Variants in ZFHX3 observed in about 807,000 individuals in gnomAD.
ZFHX3 encodes zinc finger homeobox 3.
ZFHX3 carries 42 observed loss-of-function variants against 279.1 expected under a neutral mutation model. The observed-to-expected ratio is 0.15, with a 90% confidence interval of 0.12 to 0.19. The LOEUF (loss-of-function observed/expected upper bound fraction) is 0.19. ZFHX3 is among the 10% of genes least tolerant of loss of function. The pLI, the probability that ZFHX3 is intolerant of heterozygous loss-of-function variation, is 1.00. For synonymous variants in ZFHX3, 2,293 were observed against 1,957.8 expected, an observed-to-expected ratio of 1.17 and a Z score of -4.52; for missense variants, 4,981 against 4,754.0, an observed-to-expected ratio of 1.05 and a Z score of -1.40.
At chr16:73,391,501 T>G (rs1486035739) in intron 3 of ZFHX3, among the ~76,000 whole-genome samples, 1 of 152,094 alleles carries the variant, frequency 6.6e-6, no homozygotes, top group East Asian at 1.9e-4. Context: ...AGTTTGAGGC[T>G]TAGCTGTGCT....
At chr16:73,618,415 A>C (rs1332755173) in intron 2 of ZFHX3, among the ~76,000 whole-genome samples, 1 of 152,252 alleles carries the variant, frequency 6.6e-6, no homozygotes, top group Non-Finnish European at 1.5e-5. Context: ...GTAATTTTTA[A>C]ATAATAAGCC....
At chr16:73,787,849 G>GTGTGTT (rs1555501654) in intron 1 of ZFHX3, among the ~76,000 whole-genome samples, 1 of 149,538 alleles carries the variant, frequency 6.7e-6, no homozygotes, top group African/African-American at 2.5e-5. Flanking sequence ...GTGTGTGTGT[G>GTGTGTT]TGTGAAAGAG....
chr16:73,522,043 G>A (rs1318601542), intron 2 of ZFHX3, among the ~76,000 whole-genome samples: 1 of 152,188 alleles, frequency 6.6e-6, no homozygotes, highest in Non-Finnish European at 1.5e-5. Flanking sequence ...CAGAAGCTCT[G>A]ATTGTCAGTT....
chr16:73,155,345 G>T lies in ZFHX3; in HGVS notation c.-1103-11514C>A, dbSNP rs1732086403. 2.0e-5 allele frequency among the ~76,000 whole-genome samples: 3 copies of T among 152,022 alleles called. No individual in the cohort carries two copies. The South Asian group carries it at 6.2e-4, about 32-fold the overall frequency. On this transcript the variant is annotated intron_variant, in intron 5 of 17. Coordinates refer to the ZFHX3 transcript ENST00000641206. ...TTCAGTAGTCAATATAAAGGATGTT[G>T]GTCCTACATGAAGCTAGGGGCAACT...
intron 1 of ZFHX3, among the ~76,000 whole-genome samples, chr16:73,696,873 T>C (rs1348573759): frequency 6.6e-6 from 1 of 152,162 alleles, no homozygotes; most frequent in Non-Finnish European, 1.5e-5. Context: ...GAGGTAGAAA[T>C]AAAGTGTTGA....
At chr16:73,709,632 G>C (rs1249275055) in intron 1 of ZFHX3, among the ~76,000 whole-genome samples, 1 of 152,022 alleles carries the variant, frequency 6.6e-6, no homozygotes, top group East Asian at 1.9e-4. Flanking sequence ...GGGGGTGAGG[G>C]TTTAGGGCAA....
At chr16:73,645,409 G>A (rs8058637) in intron 2 of ZFHX3, among the ~76,000 whole-genome samples, 21,462 of 151,878 alleles carry the variant, frequency 0.14, 2,397 homozygotes, top group African/African-American at 0.31. Context: ...GGCGCCCGCC[G>A]CCACACCCGG....
In ZFHX3 at chr16:72,794,140, C is replaced by T; in HGVS notation, c.8542G>A (p.Gly2848Arg). Residue 2848 changes from glycine (G) to arginine (R), a missense_variant, in exon 9 of 10, where the codon GGA becomes AGA. Gly to Arg is a moderately radical substitution (Grantham distance 125). Coordinates refer to ENST00000268489, the MANE Select transcript of ZFHX3 (RefSeq NM_006885.4). The surrounding 1 kb of genome is among the most constrained non-coding windows in gnomAD (Gnocchi z 4.2). ...VNTAITDTTT[G>R]DEGNADNDSA... ...TCGTTATCTGCGTTGCCCTCGTCTC[C>T]AGTTGTGGTATCTGTGATTGCTGTG... 6.2e-7 allele frequency: 1 copy of T among 1,614,196 alleles called. No individual in the cohort carries two copies. The highest frequency in any genetic ancestry group is 8.5e-7 in the Non-Finnish European group (1 of 1,180,044).
At chr16:73,359,717 G>C (rs1237826975) in intron 3 of ZFHX3, among the ~76,000 whole-genome samples, 2 of 152,214 alleles carry the variant, frequency 1.3e-5, no homozygotes, top group East Asian at 3.9e-4. Flanking sequence ...TCTGAGAATA[G>C]CTCCCATTAC....
At chr16:73,598,472 T>A (rs1178261515) in intron 2 of ZFHX3, among the ~76,000 whole-genome samples, 1 of 148,304 alleles carries the variant, frequency 6.7e-6, no homozygotes, top group Non-Finnish European at 1.5e-5. Flanking sequence ...GGCTGGAGCG[T>A]AGTGGCGTGA....
chr16:73,518,601 T>C (rs8046139), intron 2 of ZFHX3, among the ~76,000 whole-genome samples: 56,104 of 152,008 alleles, frequency 0.37, 11,981 homozygotes, highest in East Asian at 0.63. Context: ...ATTTAACCAC[T>C]ATGCAGACAC....
At chr16:73,511,975 T>A (rs188322124) in intron 2 of ZFHX3, among the ~76,000 whole-genome samples, 3 of 152,168 alleles carry the variant, frequency 2.0e-5, no homozygotes, top group African/African-American at 4.8e-5. Context: ...ATGCTTGTGG[T>A]CCCCAAGGCT....
intron 2 of ZFHX3, among the ~76,000 whole-genome samples, chr16:73,566,681 A>T (rs987985717): frequency 1.1e-4 from 16 of 145,092 alleles, no homozygotes; most frequent in Non-Finnish European, 2.4e-4. Context: ...CCATCACACC[A>T]AGCTAACTTT....
At chr16:73,814,901 T>C (rs925588682) in intron 1 of ZFHX3, among the ~76,000 whole-genome samples, 11 of 152,246 alleles carry the variant, frequency 7.2e-5, no homozygotes, top group African/African-American at 2.6e-4. Context: ...AAAGCTCTCA[T>C]CCCACATATA....
intron 2 of ZFHX3, chr16:73,554,499 G>C (rs2020245715): frequency 6.6e-6 from 1 of 152,202 alleles, no homozygotes; most frequent in South Asian, 2.1e-4. Context: ...ACGCGCTGTA[G>C]ACAGACCTCA....
chr16:73,760,280 A>G (rs964164172), intron 1 of ZFHX3, among the ~76,000 whole-genome samples: 1 of 152,218 alleles, frequency 6.6e-6, no homozygotes, highest in African/African-American at 2.4e-5. Flanking sequence ...GAGTTCTGAA[A>G]TTGAGGCAGT....
intron 2 of ZFHX3, among the ~76,000 whole-genome samples, chr16:73,536,501 C>T (rs1473134085): frequency 6.6e-6 from 1 of 152,192 alleles, no homozygotes; most frequent in African/African-American, 2.4e-5. Context: ...AAAAGAAATG[C>T]AATTCCTTCC....
At chr16:73,351,490 C>T (rs1041315607) in intron 3 of ZFHX3, among the ~76,000 whole-genome samples, 4 of 152,172 alleles carry the variant, frequency 2.6e-5, no homozygotes, top group Non-Finnish European at 5.9e-5. Flanking sequence ...GGGCCTTCTC[C>T]AAACTTCACT....
At chr16:73,282,830 C>A (rs921286212) in intron 4 of ZFHX3, among the ~76,000 whole-genome samples, 1 of 152,080 alleles carries the variant, frequency 6.6e-6, no homozygotes, top group Non-Finnish European at 1.5e-5. Flanking sequence ...AATTGTCTTC[C>A]TTTCCTTGGC....
Sources: gnomAD v4.1 joint callset for allele counts (sites outside exome capture counted in the v4.1 genomes callset) on GRCh38, gnomAD v4.1.1 for gene constraint, Gnocchi (gnomAD v3.1) non-coding constraint, MANE v1.5 for transcripts, NCBI Gene and HGNC (gene_info 2026-07-23, HGNC 2026-07-21) for gene names.